NGDN: variants seen among roughly 807,000 people sequenced by gnomAD.
NGDN encodes the protein EIF4E-binding protein.
Under a neutral mutation model 45.2 loss-of-function variants are expected in NGDN, and 41 were observed. The ratio of observed to expected loss-of-function variants is 0.91; its 90% CI spans 0.71 to 1.18. NGDN has a LOEUF of 1.18. Ranked by LOEUF, NGDN falls within the 50% of genes most tolerant of loss-of-function variation. NGDN has a pLI of 0.00. For missense variants in NGDN, 402 were observed against 399.9 expected (o/e 1.01, Z -0.05); for synonymous variants, 137 against 130.9 (o/e 1.05, Z -0.32).
chr14:23,470,840 C>G (rs1453240448), intron 2 of NGDN, 66 bp from the exon 3 acceptor site: 8 of 1,275,106 alleles, frequency 6.3e-6, no homozygotes, highest in Non-Finnish European at 7.6e-6. Context: ...TTAGCTTTTG[C>G]TCTTCACAGT....
chr14:23,474,801 G>T (rs1186330869), intron 3 of NGDN, among the ~76,000 whole-genome samples: 2 of 152,186 alleles, frequency 1.3e-5, no homozygotes. Flanking sequence ...CCATCCGTGG[G>T]AAGAGGCCAA....
At chr14:23,476,538 A>G (rs1185877810) in intron 8 of NGDN, 131 bp downstream of exon 8, 3 of 919,744 alleles carry the variant, frequency 3.3e-6, no homozygotes, top group Non-Finnish European at 4.6e-6. Flanking sequence ...CTTTGGGATG[A>G]TAGTTTCTAA....
At chr14:23,475,141 CTG>C (rs1257603402) in intron 3 of NGDN, 28 bp from the exon 4 acceptor site, 1 of 1,589,958 alleles carries the variant, frequency 6.3e-7, no homozygotes, top group South Asian at 1.2e-5. Context: ...AAAACCAAAT[CTG>C]TTTTTCTTTC....
chr14:23,477,196 G>T lies in NGDN; in HGVS notation c.714-4G>T, dbSNP rs1425180566. ...GCCTGCTGGAAACTGTCTTTCTCTG[G>T]CAGGATTAACTATGAGGAGAGCATG... On this transcript the variant is annotated splice_region_variant and splice_polypyrimidine_tract_variant and intron_variant, in intron 8 of 10. Coordinates refer to ENST00000408901, the MANE Select transcript of NGDN (RefSeq NM_001042635.2). 4 of 1,613,876 alleles carry T rather than the reference G, an allele frequency of 2.5e-6. No individual in the cohort carries two copies. In the Admixed American group the frequency reaches 6.7e-5, roughly 27 times the overall value.
chr14:23,473,281 G>A (rs910374549), intron 3 of NGDN, among the ~76,000 whole-genome samples: 6 of 152,096 alleles, frequency 3.9e-5, no homozygotes, highest in South Asian at 4.1e-4. Context: ...TTACAGGTGT[G>A]AGCCACCACA....
intron 8 of NGDN, 98 bp from the exon 9 acceptor site, chr14:23,477,102 C>G: frequency 1.7e-6 from 2 of 1,149,774 alleles, no homozygotes; most frequent in Non-Finnish European, 2.5e-6. Flanking sequence ...TTGAGAACTC[C>G]CTGAACAAGA....
chr14:23,476,537 G>T, intron 8 of NGDN, 130 bp downstream of exon 8: 1 of 928,128 alleles, frequency 1.1e-6, no homozygotes, highest in Non-Finnish European at 1.5e-6. Context: ...ACTTTGGGAT[G>T]ATAGTTTCTA....
rs376876381 is a variant in NGDN at position 23,470,922 on chromosome 14, C to G, written c.89C>G (p.Ala30Gly). 5 of 1,571,730 alleles carry G rather than the reference C, an allele frequency of 3.2e-6. No homozygotes were observed. Among genetic ancestry groups the G allele is most frequent in the Non-Finnish European group, 4.3e-6 (5 of 1,163,670 alleles). Reference protein sequence around the residue: ...NLQEQVMAVTAQVKSLTQKVQ... With the variant: ...NLQEQVMAVTGQVKSLTQKVQ... ...TAATTTCAGGTGATGGCTGTAACTG[C>G]ACAAGTGAAATCACTGACACAAAAA... The change falls in exon 3 of 11, where the codon GCA (alanine) becomes GGA (glycine). Residue 30 changes from alanine to glycine, a missense_variant. Physicochemically the swap from Ala to Gly is moderately conservative, Grantham distance 60. Coordinates refer to ENST00000408901, the MANE Select transcript of NGDN (RefSeq NM_001042635.2).
At chr14:23,473,125 G>A (rs1368197587) in intron 3 of NGDN, among the ~76,000 whole-genome samples, 2 of 152,086 alleles carry the variant, frequency 1.3e-5, no homozygotes, top group African/African-American at 2.4e-5. Flanking sequence ...TCAGCCTTCC[G>A]AGTAGCTGGG....
chr14:23,472,182 TAAAAAA>T (rs78085081), intron 3 of NGDN, among the ~76,000 whole-genome samples: 17 of 82,096 alleles, frequency 2.1e-4, no homozygotes, highest in African/African-American at 7.9e-4. Context: ...GAGACTGTCT[TAAAAAA>T]AAAAAAAAAA....
intron 10 of NGDN, 164 bp downstream of exon 10, chr14:23,477,724 G>T: frequency 6.8e-7 from 1 of 1,463,576 alleles, no homozygotes; most frequent in South Asian, 1.5e-5. Flanking sequence ...TCCTGAGCTG[G>T]AAATCAGCAT....
downstream of NGDN, chr14:23,478,378 T>C (rs1215724168): frequency 4.0e-6 from 1 of 251,182 alleles, no homozygotes; most frequent in African/African-American, 2.3e-5. Flanking sequence ...AATCAACTCT[T>C]TCAACCCATG....
downstream of NGDN, chr14:23,478,721 GAC>G: frequency 1.4e-5 from 1 of 73,270 alleles, no homozygotes; most frequent in African/African-American, 5.0e-5. Context: ...GTGTTTTTCA[GAC>G]TCTGACCCCC....
chr14:23,475,499 T>C, intron 4 of NGDN, 59 bp from the exon 5 acceptor site: 1 of 1,539,174 alleles, frequency 6.5e-7, no homozygotes, highest in Non-Finnish European at 9.0e-7. Context: ...ATATAGGGAC[T>C]CTGGTGTGTG....
chr14:23,474,314 T>C (rs1324762320), intron 3 of NGDN, among the ~76,000 whole-genome samples: 2 of 152,196 alleles, frequency 1.3e-5, no homozygotes. Flanking sequence ...AAATAGGTTT[T>C]CTCAGGGCTG....
chr14:23,475,093 A>T, intron 3 of NGDN, 78 bp from the exon 4 acceptor site: 1 of 1,450,516 alleles, frequency 6.9e-7, no homozygotes, highest in Non-Finnish European at 9.3e-7. Context: ...TTGGAAAAAC[A>T]TCCCGTTTAC....
intron 9 of NGDN, 38 bp from the exon 10 acceptor site, chr14:23,477,465 C>T (rs1893930378): frequency 6.2e-7 from 1 of 1,613,280 alleles, no homozygotes; most frequent in Non-Finnish European, 8.5e-7. Context: ...GCTCTCAGAA[C>T]CACAGTGCCA....
intron 2 of NGDN, among the ~76,000 whole-genome samples, chr14:23,470,546 T>C (rs1358032860): frequency 1.3e-5 from 2 of 152,208 alleles, no homozygotes; most frequent in Non-Finnish European, 2.9e-5. Context: ...CATATTTCTT[T>C]TACACCCTCG....
chr14:23,471,179 A>G, intron 3 of NGDN: 1 of 400,188 alleles, frequency 2.5e-6, no homozygotes, highest in Non-Finnish European at 4.4e-6. Flanking sequence ...TTACAGAGTT[A>G]TGAGTCTCCA....
Sources: gnomAD v4.1 joint callset for allele counts (sites outside exome capture counted in the v4.1 genomes callset) on GRCh38, gnomAD v4.1.1 for gene constraint, MANE v1.5 for transcripts, NCBI Gene and HGNC (gene_info 2026-07-23, HGNC 2026-07-21) for gene names.